The following POLD2 variants were observed in gnomAD, a reference collection of about 807,000 sequenced individuals.
The protein encoded by POLD2 is DNA polymerase delta 2, accessory subunit.
POLD2 carries 31 observed loss-of-function variants against 48.8 expected under a neutral mutation model. The ratio of observed to expected loss-of-function variants is 0.64; its 90% confidence interval spans 0.48 to 0.86. The LOEUF is 0.86. Ranked by LOEUF, POLD2 falls within the 40% of genes least tolerant of loss-of-function variation. The probability of loss-of-function intolerance (pLI) is 0.00; values close to 1 mark genes in which losing one functional copy is unlikely to be tolerated. For missense variants in POLD2, 455 were observed against 610.1 expected (o/e 0.75, Z 2.68); for synonymous variants, 233 against 256.3 (o/e 0.91, Z 0.87).
At chr7:44,118,578 T>C (rs1265305945) in intron 2 of POLD2, among the ~76,000 whole-genome samples, 1 of 152,222 alleles carries the variant, frequency 6.6e-6, no homozygotes, top group Non-Finnish European at 1.5e-5. Context: ...AGTGGCGCGA[T>C]CTCAGCTCAC....
Position 44,114,696 on chromosome 7 carries a change from C to T in POLD2, c.*89G>A, listed in dbSNP as rs2096235246. The T allele has an allele frequency of 7.2e-7, 1 of 1,379,980 alleles. No homozygotes were observed. Among genetic ancestry groups the T allele is most frequent in the African/African-American group, 1.4e-5 (1 of 69,514 alleles). 85.5% of individuals were successfully genotyped at this position (1,379,980 alleles called of 1,614,324 possible). On this transcript the variant is annotated 3_prime_UTR_variant, in exon 11 of 11. Coordinates refer to ENST00000610533, the MANE Select transcript of POLD2 (RefSeq NM_006230.4). ...GCCCAGGGCTCAAGGCTCGCATCAGCAAGTGCTCAGGCTTTATTTACAATG... is the reference window on the plus strand; with the variant it reads ...GCCCAGGGCTCAAGGCTCGCATCAGTAAGTGCTCAGGCTTTATTTACAATG...
chr7:44,115,006 GC>G (rs2096236169), intron 10 of POLD2, 61 bp from the exon 11 acceptor site: 2 of 1,457,490 alleles, frequency 1.4e-6, no homozygotes, highest in Admixed American at 4.3e-5. Flanking sequence ...TCAAAGAGAA[GC>G]TGCCAGAAAT....
rs770039738 is a variant in POLD2, at chr7:44,115,408, G to A, written c.1148-12C>T. On this transcript the variant is annotated splice_polypyrimidine_tract_variant and intron_variant, in intron 9 of 10. Transcript: ENST00000610533. ...GAAGGGGTAACAACCTGGAGGAGAA[G>A]GGGCAGCTCTGAGGAGGGTTCCGCC... 1.3e-6 allele frequency: 2 copies of A among 1,549,574 alleles called. No individual in the cohort carries two copies. Among genetic ancestry groups the A allele is most frequent in the Non-Finnish European group, 1.8e-6 (2 of 1,121,088 alleles).
intron 1 of POLD2, 86 bp downstream of exon 1, chr7:44,123,425 G>C (rs2096251029): frequency 6.8e-7 from 1 of 1,473,008 alleles, no homozygotes; most frequent in Admixed American, 2.4e-5. Flanking sequence ...CGTCCGCCAA[G>C]ACACCAGCCC....
At chr7:44,117,475 A>G in intron 4 of POLD2, 144 bp downstream of exon 4, 5 of 1,048,274 alleles carry the variant, frequency 4.8e-6, no homozygotes, top group Non-Finnish European at 7.0e-6. Context: ...GACCGCCTGG[A>G]GCCTCACCTA....
upstream of POLD2, chr7:44,123,565 C>A: frequency 6.8e-7 from 1 of 1,480,360 alleles, no homozygotes; most frequent in Non-Finnish European, 8.9e-7. Context: ...CCCATCGCCG[C>A]AACTCGCTAA....
At chr7:44,115,058 T>C (rs918026540) in intron 10 of POLD2, 113 bp from the exon 11 acceptor site, 38 of 982,644 alleles carry the variant, frequency 3.9e-5, no homozygotes, top group South Asian at 6.6e-5. Context: ...GCAGTGACAA[T>C]AGGAGACCAG....
chr7:44,116,517 T>C lies in POLD2; in HGVS notation c.781-7A>G. On this transcript the variant is annotated splice_region_variant and splice_polypyrimidine_tract_variant and intron_variant, in intron 6 of 10. Transcript: ENST00000610533. This position sits in a 1 kb window ranked among gnomAD's most constrained non-coding sequence, Gnocchi z 6.1. ...TCTTGGTGAGGTATTTGGCCTGGAATAGAAGCCCAGAAGGCCATCAGGCCC... is the reference window on the plus strand; with the variant it reads ...TCTTGGTGAGGTATTTGGCCTGGAACAGAAGCCCAGAAGGCCATCAGGCCC... The C allele has an allele frequency of 2.6e-6, 4 of 1,567,532 alleles. No individual in the cohort carries two copies. The highest frequency in any genetic ancestry group is 3.5e-6 in the Non-Finnish European group (4 of 1,155,214).
rs2096247539 is a variant in POLD2, at chr7:44,121,084, G to C, written c.220+750C>G. 6.6e-6 allele frequency among the ~76,000 whole-genome samples: 1 copy of C among 152,140 alleles called. No homozygotes were observed. Among genetic ancestry groups the C allele is most frequent in the South Asian group, 2.1e-4 (1 of 4,818 alleles). The stretch of plus-strand genomic sequence containing the variant: ...TGCCAAGGACAGTAAAAATGAGTAA[G>C]ACCTGGTCTCACCTACTAAATCCTC... On this transcript the variant is annotated intron_variant, in intron 2 of 10. Transcript: ENST00000610533. This position sits in a 1 kb window ranked among gnomAD's most constrained non-coding sequence, Gnocchi z 4.5.
At chr7:44,120,199 C>G (rs1443689631) in intron 2 of POLD2, among the ~76,000 whole-genome samples, 1 of 152,222 alleles carries the variant, frequency 6.6e-6, no homozygotes, top group African/African-American at 2.4e-5. Context: ...TCAACACATT[C>G]ACTGTGGCAG....
chr7:44,114,886 CG>C lies in POLD2; in HGVS notation c.1308del (p.Ala437ProfsTer4), dbSNP rs1562691639. The C allele has an allele frequency of 6.2e-7, 1 of 1,613,790 alleles. No individual in the cohort carries two copies. Among genetic ancestry groups the C allele is most frequent in the South Asian group, 1.1e-5 (1 of 91,024 alleles). ...VTVPDFSATQTACLVNLRSLA... is the reference protein window; with the variant it reads ...VTVPDFSATQXACLVNLRSLA... ...AGGCTGCGCAGGTTCACAAGGCAGG[CG>C]GTCTGCGTGGCACTGAAGTCAGGGA... On this transcript the variant is annotated frameshift_variant, in exon 11 of 11. Coordinates refer to ENST00000610533, the MANE Select transcript of POLD2 (RefSeq NM_006230.4). LOFTEE classifies it high-confidence loss of function.
chr7:44,122,348 C>A, intron 1 of POLD2: 2 of 1,301,698 alleles, frequency 1.5e-6, no homozygotes, highest in Non-Finnish European at 1.9e-6. Context: ...GAGTTCTTCC[C>A]GAACCCTAGA....
intron 1 of POLD2, 73 bp from the exon 2 acceptor site, chr7:44,122,182 G>C (rs1392968373): frequency 6.9e-7 from 1 of 1,453,918 alleles, no homozygotes; most frequent in Non-Finnish European, 9.1e-7. Context: ...GTGTCTCACT[G>C]CACCCAAAGG....
chr7:44,116,613 C>T lies in POLD2; in HGVS notation c.781-103G>A. ...AGATGCAGTTGTTGTCCCATAGACC[C>T]TCACTCCCTTCAAGCCTCCCACCAT... is the stretch of plus-strand genomic sequence containing the variant. On this transcript the variant is annotated intron_variant, in intron 6 of 10. Coordinates refer to ENST00000610533, the MANE Select transcript of POLD2 (RefSeq NM_006230.4). The surrounding 1 kb of genome is among the most constrained non-coding windows in gnomAD (Gnocchi z 6.1). The T allele has an allele frequency of 1.9e-6, 2 of 1,074,846 alleles. No homozygotes were observed. Among genetic ancestry groups the T allele is most frequent in the Non-Finnish European group, 2.8e-6 (2 of 724,192 alleles). 66.6% of individuals were successfully genotyped at this position (1,074,846 alleles called of 1,614,324 possible).
rs764469624 is a variant in POLD2 at position 44,116,808 on chromosome 7, G to A, written c.780+9C>T. On this transcript the variant is annotated intron_variant, in intron 6 of 10. Transcript: ENST00000610533. The surrounding 1 kb of genome is among the most constrained non-coding windows in gnomAD (Gnocchi z 6.1). ...GCTGGGGCTGAATGCAGCCAGGTGGGCTCCATACCTTATTGATAGAATCCC... is the reference window on the plus strand; with the variant it reads ...GCTGGGGCTGAATGCAGCCAGGTGGACTCCATACCTTATTGATAGAATCCC... 6.2e-7 allele frequency: 1 copy of A among 1,613,046 alleles called. No homozygotes were observed. The highest frequency in any genetic ancestry group is 1.1e-5 in the South Asian group (1 of 91,028).
At chr7:44,114,977 G>C in intron 10 of POLD2, 32 bp from the exon 11 acceptor site, 1 of 1,571,420 alleles carries the variant, frequency 6.4e-7, no homozygotes, top group Non-Finnish European at 8.7e-7. Flanking sequence ...CCCACTGTAG[G>C]TTCCAAGTAA....
intron 4 of POLD2, 174 bp from the exon 5 acceptor site, chr7:44,117,421 GA>G (rs1306906188): frequency 1.4e-6 from 1 of 737,052 alleles, no homozygotes; most frequent in African/African-American, 1.8e-5. Context: ...TGGAGGTGGG[GA>G]GACCCATCTC....
chr7:44,119,164 T>C (rs2096245007), intron 2 of POLD2, among the ~76,000 whole-genome samples: 1 of 151,950 alleles, frequency 6.6e-6, no homozygotes. Context: ...CCCAGCCCCT[T>C]CCCGGGATCC....
Position 44,116,740 on chromosome 7 carries a change from T to G in POLD2, c.780+77A>C. On this transcript the variant is annotated intron_variant, in intron 6 of 10. Transcript: ENST00000610533. The surrounding 1 kb of genome is among the most constrained non-coding windows in gnomAD (Gnocchi z 6.1). ...TGCGAGACCTCACAGGGTACCCTAC[T>G]CGCCCTGGGGAAGGAGGGTCTTACA... 6.6e-7 allele frequency: 1 copy of G among 1,511,190 alleles called. No individual in the cohort carries two copies. Among genetic ancestry groups the G allele is most frequent in the Non-Finnish European group, 9.1e-7 (1 of 1,095,026 alleles). 93.6% of individuals were successfully genotyped at this position (1,511,190 alleles called of 1,614,324 possible).
Sources: allele counts gnomAD v4.1 joint callset (sites outside exome capture counted in the v4.1 genomes callset), GRCh38; gene constraint gnomAD v4.1.1; non-coding constraint Gnocchi (gnomAD v3.1); transcripts MANE v1.5; gene names NCBI Gene and HGNC (gene_info 2026-07-23, HGNC 2026-07-21).